SOX6: variants seen among roughly 807,000 people sequenced by gnomAD.
The protein encoded by SOX6 is transcription factor SOX-6.
In SOX6, 11 loss-of-function variants were observed where a neutral mutation model predicts 97.8. The ratio of observed to expected loss-of-function variants is 0.11; its 90% CI spans 0.07 to 0.19. SOX6 has a LOEUF of 0.19. SOX6 is among the 10% of genes least tolerant of loss of function. The pLI, the probability that SOX6 is intolerant of heterozygous loss-of-function variation, is 1.00. For missense variants in SOX6, 810 were observed against 1,039.5 expected (o/e 0.78, Z 3.04); for synonymous variants, 360 against 371.4 (o/e 0.97, Z 0.35).
intron 1 of SOX6, among the ~76,000 whole-genome samples, chr11:16,393,507 C>G (rs1211427351): frequency 2.0e-5 from 3 of 151,998 alleles, no homozygotes; most frequent in Non-Finnish European, 4.4e-5. Context: ...GGGCACTAAC[C>G]CATCTTCAGC....
chr11:16,140,666 G>T (rs1261516641), intron 6 of SOX6, among the ~76,000 whole-genome samples: 1 of 152,140 alleles, frequency 6.6e-6, no homozygotes, highest in East Asian at 1.9e-4. Context: ...GCATGTACAT[G>T]ACTAATTAAA....
At chr11:16,642,526 A>G (rs1414765526) in intron 3 of SOX6, among the ~76,000 whole-genome samples, 1 of 152,006 alleles carries the variant, frequency 6.6e-6, no homozygotes. Flanking sequence ...ACTTGGTTCC[A>G]TTCTCCCCGT....
intron 6 of SOX6, among the ~76,000 whole-genome samples, chr11:16,133,127 G>T (rs1849864202): frequency 6.6e-6 from 1 of 152,148 alleles, no homozygotes; most frequent in Non-Finnish European, 1.5e-5. Flanking sequence ...AAAGTGCTTA[G>T]TACATAGTGG....
intron 3 of SOX6, among the ~76,000 whole-genome samples, chr11:16,294,054 T>A (rs1854995237): frequency 6.6e-6 from 1 of 151,946 alleles, no homozygotes; most frequent in Non-Finnish European, 1.5e-5. Flanking sequence ...GGAAACAAAA[T>A]TTTAGAAGTT....
intron 4 of SOX6, among the ~76,000 whole-genome samples, chr11:16,494,335 C>T (rs1860559623): frequency 1.3e-5 from 2 of 152,078 alleles, no homozygotes; most frequent in Admixed American, 6.5e-5. Flanking sequence ...GAGATCCCGC[C>T]ATTGCACTCC....
At chr11:16,395,085 T>A (rs1858309719) in intron 1 of SOX6, among the ~76,000 whole-genome samples, 1 of 151,846 alleles carries the variant, frequency 6.6e-6, no homozygotes, top group Admixed American at 6.6e-5. Flanking sequence ...GTACTTTGCT[T>A]TCTGTCAATC....
intron 6 of SOX6, among the ~76,000 whole-genome samples, chr11:16,163,073 A>C (rs1227119173): frequency 1.3e-5 from 2 of 152,156 alleles, no homozygotes; most frequent in East Asian, 3.8e-4. Flanking sequence ...AAAGGGGAAA[A>C]GAAAAATAAA....
intron 13 of SOX6, among the ~76,000 whole-genome samples, chr11:15,995,076 T>C (rs1424245259): frequency 6.6e-6 from 1 of 152,206 alleles, no homozygotes; most frequent in Non-Finnish European, 1.5e-5. Flanking sequence ...AGTTTGAACT[T>C]ACAGGTGGCT....
chr11:16,408,138 C>T (rs1858724033), intron 1 of SOX6, among the ~76,000 whole-genome samples: 2 of 152,106 alleles, frequency 1.3e-5, no homozygotes, highest in African/African-American at 4.8e-5. Flanking sequence ...TGGAAAAGAG[C>T]AAAGCTAATA....
chr11:16,398,368 T>A (rs1349591259), intron 1 of SOX6, among the ~76,000 whole-genome samples: 1 of 151,472 alleles, frequency 6.6e-6, no homozygotes, highest in African/African-American at 2.4e-5. Context: ...CCATAACCAT[T>A]CCCTGGCCTT....
At chr11:16,117,949 T>C (rs1403663096) in intron 6 of SOX6, among the ~76,000 whole-genome samples, 6 of 151,700 alleles carry the variant, frequency 4.0e-5, no homozygotes, top group Non-Finnish European at 8.8e-5. Flanking sequence ...CAAGAAGTTA[T>C]CAAAATTTCA....
chr11:16,110,827 A>C (rs1780517633), intron 7 of SOX6, among the ~76,000 whole-genome samples: 1 of 152,222 alleles, frequency 6.6e-6, no homozygotes, highest in Non-Finnish European at 1.5e-5. Context: ...AAAGTGATTT[A>C]TATTTTATTA....
intron 6 of SOX6, among the ~76,000 whole-genome samples, chr11:16,120,357 T>C (rs1211774956): frequency 1.3e-5 from 2 of 151,526 alleles, no homozygotes; most frequent in Admixed American, 6.6e-5. Flanking sequence ...TTAATATCCA[T>C]CTCTAATATA....
intron 2 of SOX6, among the ~76,000 whole-genome samples, chr11:16,319,207 C>T (rs1041574397): frequency 1.5e-4 from 23 of 152,270 alleles, no homozygotes; most frequent in Admixed American, 7.9e-4. Context: ...AGTTAGCCAA[C>T]ATGAATATTT....
At chr11:16,485,593 T>C (rs980776115) in intron 4 of SOX6, among the ~76,000 whole-genome samples, 17 of 151,624 alleles carry the variant, frequency 1.1e-4, no homozygotes, top group African/African-American at 4.1e-4. Flanking sequence ...AAGCTGGGCA[T>C]GGTGGCACGT....
intron 13 of SOX6, among the ~76,000 whole-genome samples, chr11:16,011,781 T>G (rs1854735721): frequency 6.6e-6 from 1 of 152,046 alleles, no homozygotes; most frequent in Admixed American, 6.6e-5. Context: ...TTAAAATTGC[T>G]GTTCCAAAGC....
Position 16,562,306 on chromosome 11 carries a change from T to C in SOX6, n.609+49775A>G, listed in dbSNP as rs567824678. 2.2e-4 allele frequency among the ~76,000 whole-genome samples: 33 copies of C among 152,208 alleles called. No individual in the cohort carries two copies. The South Asian group carries it at 6.8e-3, about 32-fold the overall frequency. Reference sequence around the variant, plus strand: ...GGCTAGGAAACTCAGAACCAAGGAATGACACTGGTGAATTTCCTAGGTTTT... The same window carrying C: ...GGCTAGGAAACTCAGAACCAAGGAACGACACTGGTGAATTTCCTAGGTTTT... On this transcript the variant is annotated intron_variant and non_coding_transcript_variant, in intron 4 of 5. Transcript: ENST00000524520.
chr11:16,043,145 C>T (rs937024693), intron 12 of SOX6, among the ~76,000 whole-genome samples: 3 of 152,152 alleles, frequency 2.0e-5, no homozygotes, highest in African/African-American at 4.8e-5. Context: ...TATGTATTGT[C>T]ATGACTAAAA....
intron 4 of SOX6, among the ~76,000 whole-genome samples, chr11:16,552,509 G>C (rs1263366675): frequency 6.6e-6 from 1 of 152,082 alleles, no homozygotes; most frequent in Non-Finnish European, 1.5e-5. Context: ...ATTGGTCTGG[G>C]CAAATGAATA....
Sources: allele counts gnomAD v4.1 joint callset (sites outside exome capture counted in the v4.1 genomes callset), GRCh38; gene constraint gnomAD v4.1.1; transcripts MANE v1.5; gene names NCBI Gene and HGNC (gene_info 2026-07-23, HGNC 2026-07-21).